Variants in CCDC85C observed in about 807,000 individuals in gnomAD.
CCDC85C encodes the protein coiled-coil domain-containing protein 85C.
Under a neutral mutation model 38.3 loss-of-function variants are expected in CCDC85C, and 18 were observed. The observed-to-expected ratio is 0.47, with a 90% CI of 0.33 to 0.70. CCDC85C has a LOEUF of 0.70. Among genes scored for constraint, CCDC85C ranks in the 30% least tolerant of loss-of-function variants. The pLI, the probability that CCDC85C is intolerant of heterozygous loss-of-function variation, is 0.03. For missense variants in CCDC85C, 566 were observed against 621.2 expected, an observed-to-expected ratio of 0.91 and a Z score of 0.94; for synonymous variants, 264 against 293.8, an observed-to-expected ratio of 0.90 and a Z score of 1.04.
chr14:99,543,354 C>T (rs1321022967), intron 1 of CCDC85C, among the ~76,000 whole-genome samples: 23 of 152,188 alleles, frequency 1.5e-4, no homozygotes, highest in Non-Finnish European at 2.6e-4. Context: ...ACAGGACCAG[C>T]GGGGGTCGGC....
At chr14:99,559,400 G>A (rs977478721) in intron 1 of CCDC85C, among the ~76,000 whole-genome samples, 1 of 152,154 alleles carries the variant, frequency 6.6e-6, no homozygotes, top group Non-Finnish European at 1.5e-5. Context: ...TAGTGCCGTA[G>A]GAAGCTATTA....
chr14:99,572,004 A>C lies in CCDC85C; in HGVS notation c.793+31163T>G, dbSNP rs980915532. Reference sequence around the variant, plus strand: ...AAGGAGTGAGGCATGTGGGCCAAGGAGCTGGAGACTGCCTGCAGCAGGCAC... The same window carrying C: ...AAGGAGTGAGGCATGTGGGCCAAGGCGCTGGAGACTGCCTGCAGCAGGCAC... On this transcript the variant is annotated intron_variant, in intron 1 of 5. Transcript: ENST00000380243. The surrounding 1 kb of genome is among the most constrained non-coding windows in gnomAD (Gnocchi z 4.4). 3.3e-5 allele frequency among the ~76,000 whole-genome samples: 5 copies of C among 152,166 alleles called. No individual in the cohort carries two copies. Among genetic ancestry groups the C allele is most frequent in the African/African-American group, 1.2e-4 (5 of 41,436 alleles).
In CCDC85C at chr14:99,557,279, T is replaced by C. The variant is rs563493518; in HGVS notation, c.794-21191A>G. 2.9e-3 allele frequency among the ~76,000 whole-genome samples: 439 copies of C among 152,330 alleles called. 2 individuals are homozygous for C. Among genetic ancestry groups the C allele is most frequent in the Non-Finnish European group, 4.2e-3 (285 of 68,026 alleles). ...AAGCCCTTTCCCAAGGCCCAGGCTC[T>C]AATTCACCAGGGCACGTGGTCTCAG... is the stretch of plus-strand genomic sequence containing the variant. On this transcript the variant is annotated intron_variant, in intron 1 of 5. Coordinates refer to ENST00000380243, the MANE Select transcript of CCDC85C (RefSeq NM_001144995.2).
chr14:99,544,740 C>T lies in CCDC85C; in HGVS notation c.794-8652G>A, dbSNP rs888030167. Among the ~76,000 whole-genome samples, 5 of 152,092 alleles carry T rather than the reference C, an allele frequency of 3.3e-5. No homozygotes were observed. Among genetic ancestry groups the T allele is most frequent in the Non-Finnish European group, 2.9e-5 (2 of 68,016 alleles). On this transcript the variant is annotated intron_variant, in intron 1 of 5. Transcript: ENST00000380243. This position sits in a 1 kb window ranked among gnomAD's most constrained non-coding sequence, Gnocchi z 5.3. ...CTCGCCTCCAAGGGCACCAGATAAG[C>T]GCCCAGCCCCAGATGTGAAAAGACT... is the stretch of plus-strand genomic sequence containing the variant.
rs1364550302 is a variant in CCDC85C at position 99,503,806 on chromosome 14, T to G, written c.*11440A>C. On this transcript the variant is annotated 3_prime_UTR_variant, in exon 6 of 6. Transcript: ENST00000380243. ...CAGCATTGTCTTTCTGTTCATCACC[T>G]GATCATAGATTCTAAAATTGTGCTC... 4.9e-6 allele frequency: 3 copies of G among 611,680 alleles called. No homozygotes were observed. In the East Asian group the frequency reaches 8.3e-5, roughly 17 times the overall value. The allele number at this position is 611,680 out of a possible 1,614,324, so 37.9% of individuals were successfully genotyped here.
At chr14:99,554,287 C>T (rs2021097) in intron 1 of CCDC85C, among the ~76,000 whole-genome samples, 80,764 of 151,998 alleles carry the variant, frequency 0.53, 21,652 homozygotes, top group African/African-American at 0.58. Context: ...AGCCCCACCA[C>T]GGCACTGCAC....
At chr14:99,585,568 T>C (rs993329782) in intron 1 of CCDC85C, among the ~76,000 whole-genome samples, 2 of 152,226 alleles carry the variant, frequency 1.3e-5, no homozygotes, top group African/African-American at 4.8e-5. Context: ...CTGTTAGCTA[T>C]TATTATTCCT....
At chr14:99,539,308 T>C (rs1464517968) in intron 1 of CCDC85C, among the ~76,000 whole-genome samples, 2 of 151,590 alleles carry the variant, frequency 1.3e-5, no homozygotes, top group Admixed American at 6.6e-5. Context: ...CCATCTCTAC[T>C]AAAAATATAA....
chr14:99,573,341 G>A (rs979524014), intron 1 of CCDC85C, among the ~76,000 whole-genome samples: 6 of 152,214 alleles, frequency 3.9e-5, no homozygotes, highest in Non-Finnish European at 4.4e-5. Flanking sequence ...AGTTTCAGAA[G>A]CTGCTCCCAG....
Position 99,535,959 on chromosome 14 carries a change from G to C in CCDC85C, c.867+56C>G. 1 of 1,330,306 alleles carries C rather than the reference G, an allele frequency of 7.5e-7. No homozygotes were observed. The highest frequency in any genetic ancestry group is 1.3e-5 in the South Asian group (1 of 79,830). The allele number at this position is 1,330,306 out of a possible 1,614,324, so 82.4% of individuals were successfully genotyped here. A position where few individuals can be genotyped will look rare whatever the true frequency, so the allele number is the denominator to read the frequency against. ...GGGGAAGGGTGCCCTGGGTGAGCTG[G>C]AGGGGTGGGTGCTGGGTCGCGGTCC... On this transcript the variant is annotated intron_variant, in intron 2 of 5. Transcript: ENST00000380243. The surrounding 1 kb of genome is among the most constrained non-coding windows in gnomAD (Gnocchi z 5.5).
chr14:99,594,974 T>C (rs2055127972), intron 1 of CCDC85C, among the ~76,000 whole-genome samples: 1 of 152,222 alleles, frequency 6.6e-6, no homozygotes, highest in South Asian at 2.1e-4. Flanking sequence ...TTCCAGTTTC[T>C]AATAGGACTT....
Position 99,501,583 on chromosome 14 carries a change from G to A in CCDC85C, c.*13663C>T, listed in dbSNP as rs1162831535. On this transcript the variant is annotated 3_prime_UTR_variant, in exon 6 of 6. Transcript: ENST00000380243. ...TGACGTCCAGGTCATCTGCTTCCCG[G>A]CAGAGGGTTTCCTTCTGCCCTGCCG... The A allele has an allele frequency of 3.4e-6, 2 of 584,190 alleles. No individual in the cohort carries two copies. The highest frequency in any genetic ancestry group is 3.0e-6 in the Non-Finnish European group (1 of 332,438). The allele number at this position is 584,190 out of a possible 1,614,324, so 36.2% of individuals were successfully genotyped here.
Position 99,510,471 on chromosome 14 carries a change from T to TACCCGCCCA in CCDC85C, c.*4766_*4774dup, listed in dbSNP as rs1566755383. The stretch of plus-strand genomic sequence containing the variant: ...ACACCTGCCCTACCACCCCCATGTC[T>TACCCGCCCA]ACCCGCCCAACCCGCCCCCGCCACC... On this transcript the variant is annotated 3_prime_UTR_variant, in exon 6 of 6. Transcript: ENST00000380243. The TACCCGCCCA allele has an allele frequency of 1.7e-6, 2 of 1,187,976 alleles. No individual in the cohort carries two copies. The highest frequency in any genetic ancestry group is 5.8e-5 in the Admixed American group (2 of 34,436). 73.6% of individuals were successfully genotyped at this position (1,187,976 alleles called of 1,614,324 possible). A position where few individuals can be genotyped will look rare whatever the true frequency, so the allele number is the denominator to read the frequency against.
Position 99,524,781 on chromosome 14 carries a change from C to T in CCDC85C, c.868-2541G>A, listed in dbSNP as rs552712839. On this transcript the variant is annotated intron_variant, in intron 2 of 5. Transcript: ENST00000380243. ...TCACCTGCTGGGCTTGTTCTGCACA[C>T]AGAGAAGAGCCCCAGCTAAGGAAGG... is the stretch of plus-strand genomic sequence containing the variant. 2.6e-5 allele frequency among the ~76,000 whole-genome samples: 4 copies of T among 152,346 alleles called. No homozygotes were observed. In the East Asian group the frequency reaches 7.7e-4, roughly 29 times the overall value.
intron 1 of CCDC85C, among the ~76,000 whole-genome samples, chr14:99,552,755 G>A (rs1897935843): frequency 6.6e-6 from 1 of 152,250 alleles, no homozygotes; most frequent in African/African-American, 2.4e-5. Flanking sequence ...AAGTGCAGCT[G>A]GAATCATCGC....
Position 99,522,127 on chromosome 14 carries a change from A to G in CCDC85C, c.975+6T>C, listed in dbSNP as rs1476183340. On this transcript the variant is annotated splice_donor_region_variant and intron_variant, in intron 3 of 5. Transcript: ENST00000380243. ...ACATGTGGGCTTTTTTGGGGTGCAC[A>G]CTCACGTTCTGCAGGGAGTCCTGGT... 37 of 1,548,200 alleles carry G rather than the reference A, an allele frequency of 2.4e-5. No homozygotes were observed. Among genetic ancestry groups the G allele is most frequent in the Non-Finnish European group, 3.2e-5 (37 of 1,144,554 alleles).
chr14:99,536,611 G>T (rs533223971), intron 1 of CCDC85C, among the ~76,000 whole-genome samples: 1 of 152,184 alleles, frequency 6.6e-6, no homozygotes, highest in African/African-American at 2.4e-5. Flanking sequence ...AGTCCACTTC[G>T]CCTGATCACC....
intron 1 of CCDC85C, among the ~76,000 whole-genome samples, chr14:99,601,714 T>C (rs996593414): frequency 6.6e-6 from 1 of 152,126 alleles, no homozygotes; most frequent in Non-Finnish European, 1.5e-5. Flanking sequence ...CTACTCCCAC[T>C]GCCCTGAAGC....
At chr14:99,565,689 G>A (rs1038615998) in intron 1 of CCDC85C, among the ~76,000 whole-genome samples, 5 of 152,154 alleles carry the variant, frequency 3.3e-5, no homozygotes, top group African/African-American at 4.8e-5. Context: ...ACAGAAGCCC[G>A]GGAGGACACC....
Sources: allele counts gnomAD v4.1 joint callset (sites outside exome capture counted in the v4.1 genomes callset), GRCh38; gene constraint gnomAD v4.1.1; non-coding constraint Gnocchi (gnomAD v3.1); transcripts MANE v1.5; gene names NCBI Gene and HGNC (gene_info 2026-07-23, HGNC 2026-07-21).